Variants in PLCZ1 observed in about 807,000 individuals in gnomAD.
The protein encoded by PLCZ1 is phospholipase C zeta 1.
Under a neutral mutation model 76.8 loss-of-function variants are expected in PLCZ1, and 64 were observed. That is an observed-to-expected ratio of 0.83 (90% CI 0.68 to 1.03). PLCZ1 has a LOEUF of 1.03. Among genes scored for constraint, PLCZ1 ranks in the 50% least tolerant of loss-of-function variants. The pLI, the probability that PLCZ1 is intolerant of heterozygous loss-of-function variation, is 0.00. For missense variants in PLCZ1, 751 were observed against 713.7 expected (o/e 1.05, Z -0.60); for synonymous variants, 248 against 230.8 (o/e 1.07, Z -0.68).
chr12:18,702,740 G>A (rs1426291577), intron 7 of PLCZ1, among the ~76,000 whole-genome samples: 2 of 152,050 alleles, frequency 1.3e-5, no homozygotes, highest in African/African-American at 4.8e-5. Flanking sequence ...GAATTGTGGG[G>A]CTGGAATTGG....
At chr12:18,696,571 C>T (rs907822377) in intron 10 of PLCZ1, among the ~76,000 whole-genome samples, 1 of 151,666 alleles carries the variant, frequency 6.6e-6, no homozygotes, top group East Asian at 1.9e-4. Context: ...CAAATTATTT[C>T]ACTTTGTTGT....
chr12:18,648,885 CCATT>C, the PLCZ1 span, among the ~76,000 whole-genome samples: 1 of 152,050 alleles, frequency 6.6e-6, no homozygotes, highest in Non-Finnish European at 1.5e-5. Context: ...TTTAATCTTG[CCATT>C]CAAATTACTG....
Position 18,723,296 on chromosome 12 carries a change from G to A in PLCZ1, c.367+15C>T. 6.3e-7 allele frequency: 1 copy of A among 1,594,276 alleles called. No individual in the cohort carries two copies. The highest frequency in any genetic ancestry group is 1.1e-5 in the South Asian group (1 of 89,858). ...CATATAAATATTCCGATAAAAGTTTGAAATGCAAACATACCTTCTTCGATA... is the reference window on the plus strand; with the variant it reads ...CATATAAATATTCCGATAAAAGTTTAAAATGCAAACATACCTTCTTCGATA... On this transcript the variant is annotated intron_variant, in intron 4 of 14. Transcript: ENST00000266505.
downstream of PLCZ1, among the ~76,000 whole-genome samples, chr12:18,682,865 A>G (rs755672307): frequency 2.0e-5 from 3 of 152,178 alleles, no homozygotes; most frequent in Non-Finnish European, 2.9e-5. Flanking sequence ...CTAGAAGTTA[A>G]AACACTCTTA....
chr12:18,690,286 C>T (rs572042534), intron 12 of PLCZ1, among the ~76,000 whole-genome samples: 4 of 152,176 alleles, frequency 2.6e-5, no homozygotes, highest in African/African-American at 9.6e-5. Flanking sequence ...TGCAACGGTG[C>T]GACCTCGGCT....
chr12:18,664,210 T>G, the PLCZ1 span, among the ~76,000 whole-genome samples: 1 of 152,182 alleles, frequency 6.6e-6, no homozygotes, highest in Non-Finnish European at 1.5e-5. Flanking sequence ...GGGACACAGT[T>G]TGGTGGTTCC....
the PLCZ1 span, among the ~76,000 whole-genome samples, chr12:18,658,542 A>G: frequency 2.0e-5 from 3 of 152,154 alleles, no homozygotes; most frequent in Non-Finnish European, 4.4e-5. Context: ...AAGAGCTAAA[A>G]GAAAAGACCA....
rs1442862540 is a variant in PLCZ1 at position 18,723,317 on chromosome 12, C to T, written c.361G>A (p.Glu121Lys). The T allele has an allele frequency of 1.9e-6, 3 of 1,609,492 alleles. No homozygotes were observed. Among genetic ancestry groups the T allele is most frequent in the South Asian group, 1.1e-5 (1 of 90,768 alleles). Reference protein sequence around the residue: ...FEIIQKYEPIEEVRKAHQMSL... With the variant: ...FEIIQKYEPIKEVRKAHQMSL... ...GTTTGAAATGCAAACATACCTTCTT[C>T]GATAGGCTCGTATTTCTGAATGATC... Residue 121 changes from glutamate (E) to lysine (K), a missense_variant, in exon 4 of 15, where the codon GAA becomes AAA. Transcript: ENST00000266505.
the PLCZ1 span, among the ~76,000 whole-genome samples, chr12:18,650,436 T>A: frequency 3.3e-4 from 49 of 149,490 alleles, no homozygotes; most frequent in African/African-American, 1.1e-3. Context: ...GGAATTTTTT[T>A]AATCTTTGCC....
At position 18,684,289 on chromosome 12, in the gene PLCZ1, A is replaced by T. The variant is rs755778167; in HGVS notation, c.1592-10T>A. 6.3e-7 allele frequency: 1 copy of T among 1,592,180 alleles called. No individual in the cohort carries two copies. ...CATCTTGGACTAAAAGCTGAAATAT[A>T]AAAAAAGAAGATACAAAGAATAATA... On this transcript the variant is annotated splice_polypyrimidine_tract_variant and intron_variant, in intron 13 of 14. Transcript: ENST00000266505.
At chr12:18,688,048 G>C (rs1191431193) in intron 13 of PLCZ1, 41 bp downstream of exon 13, 1 of 1,601,396 alleles carries the variant, frequency 6.2e-7, no homozygotes, top group Non-Finnish European at 8.5e-7. Flanking sequence ...TTTCCAACAA[G>C]AAGTCTAATG....
At chr12:18,661,468 A>C in the PLCZ1 span, among the ~76,000 whole-genome samples, 460 of 152,270 alleles carry the variant, frequency 3.0e-3, 3 homozygotes, top group African/African-American at 0.01. Context: ...AAGTGCTAAA[A>C]GAAAAACAAC....
intron 6 of PLCZ1, among the ~76,000 whole-genome samples, chr12:18,710,879 A>G (rs1278437037): frequency 1.3e-5 from 2 of 152,116 alleles, no homozygotes; most frequent in Non-Finnish European, 2.9e-5. Flanking sequence ...AAAAGTCAGG[A>G]AACAACAGGT....
At chr12:18,730,821 T>C (rs1049102166) in intron 3 of PLCZ1, among the ~76,000 whole-genome samples, 1 of 152,192 alleles carries the variant, frequency 6.6e-6, no homozygotes, top group Non-Finnish European at 1.5e-5. Flanking sequence ...CAGATTTCAA[T>C]ATATTACTAT....
At chr12:18,712,758 G>T in intron 6 of PLCZ1, 84 bp downstream of exon 6, 2 of 1,491,478 alleles carry the variant, frequency 1.3e-6, no homozygotes, top group African/African-American at 1.4e-5. Flanking sequence ...CTAAAGTAAG[G>T]CTAAGCATTA....
At chr12:18,727,184 T>TA (rs564574004) in intron 3 of PLCZ1, among the ~76,000 whole-genome samples, 8,871 of 142,932 alleles carry the variant, frequency 0.062, 277 homozygotes, top group African/African-American at 0.08. Flanking sequence ...TCTCTAAATG[T>TA]AAAAAAAAAA....
intron 3 of PLCZ1, among the ~76,000 whole-genome samples, chr12:18,733,559 G>C (rs2150762462): frequency 6.6e-6 from 1 of 152,120 alleles, no homozygotes; most frequent in Middle Eastern, 3.4e-3. Context: ...ATGTCAAAAA[G>C]CTTTTTTCCT....
intron 2 of PLCZ1, chr12:18,736,619 T>C (rs947853272): frequency 7.7e-7 from 1 of 1,299,140 alleles, no homozygotes; most frequent in Non-Finnish European, 1.0e-6. Flanking sequence ...AGAACATACA[T>C]TAAAACATTA....
the PLCZ1 span, among the ~76,000 whole-genome samples, chr12:18,667,672 A>G: frequency 2.0e-5 from 3 of 152,334 alleles, no homozygotes; most frequent in South Asian, 4.1e-4. Context: ...GCATTGTGCT[A>G]CTGCTTTACC....
Sources: allele counts gnomAD v4.1 joint callset (sites outside exome capture counted in the v4.1 genomes callset), GRCh38; gene constraint gnomAD v4.1.1; transcripts MANE v1.5; gene names NCBI Gene and HGNC (gene_info 2026-07-23, HGNC 2026-07-21).